PCDHGA6: variants seen among roughly 807,000 people sequenced by gnomAD.
PCDHGA6 encodes the protein protocadherin gamma-A6.
Under a neutral mutation model 60.6 loss-of-function variants are expected in PCDHGA6, and 41 were observed. The ratio of observed to expected loss-of-function variants is 0.68; its 90% confidence interval spans 0.53 to 0.88. PCDHGA6 has a LOEUF of 0.88. Ranked by LOEUF, PCDHGA6 falls within the 40% of genes least tolerant of loss-of-function variation. The pLI is 0.00. For missense variants in PCDHGA6, 1,312 were observed against 1,203.0 expected, an observed-to-expected ratio of 1.09 and a Z score of -1.34; for synonymous variants, 594 against 524.4, an observed-to-expected ratio of 1.13 and a Z score of -1.81.
intron 1 of PCDHGA6, among the ~76,000 whole-genome samples, chr5:141,451,430 T>C (rs1441183396): frequency 2.0e-5 from 3 of 152,240 alleles, no homozygotes; most frequent in Non-Finnish European, 4.4e-5. Context: ...AGACTAAGGG[T>C]TCCAGTTCCT....
rs777925358 is a variant in PCDHGA6 at position 141,477,657 on chromosome 5, G to T, written c.2425-17150G>T. ...GTGGGTCGCTATTTCACAATAAATC[G>T]TGACAATGGCATAGTGTCATCCTTA... On this transcript the variant is annotated intron_variant, in intron 1 of 3. Transcript: ENST00000517434. This position sits in a 1 kb window ranked among gnomAD's most constrained non-coding sequence, Gnocchi z 4.9. 6.8e-6 allele frequency: 11 copies of T among 1,614,072 alleles called. No individual in the cohort carries two copies. Among genetic ancestry groups the T allele is most frequent in the South Asian group, 2.2e-5 (2 of 91,090 alleles).
In PCDHGA6 at chr5:141,409,025, G is replaced by T. The variant is rs202094928; in HGVS notation, c.2424+32518G>T. Reference sequence around the variant, plus strand: ...CACTGACCAGGATGAGGGGGTCAATGCTGAGATAAACTACTACTTCCGAAG... The same window carrying T: ...CACTGACCAGGATGAGGGGGTCAATTCTGAGATAAACTACTACTTCCGAAG... On this transcript the variant is annotated intron_variant, in intron 1 of 3. Coordinates refer to ENST00000517434, the MANE Select transcript of PCDHGA6 (RefSeq NM_018919.3). 2.9e-3 allele frequency: 4,667 copies of T among 1,614,008 alleles called. 11 individuals are homozygous for T. The highest frequency in any genetic ancestry group is 3.6e-3 in the Non-Finnish European group (4,254 of 1,179,906).
chr5:141,481,351 A>G (rs2099536232), intron 1 of PCDHGA6, among the ~76,000 whole-genome samples: 1 of 152,152 alleles, frequency 6.6e-6, no homozygotes, highest in Non-Finnish European at 1.5e-5. Context: ...TTAAACATCT[A>G]CAGCTGTTCA....
Position 141,477,889 on chromosome 5 carries a change from A to T in PCDHGA6, c.2425-16918A>T. 1 of 1,614,152 alleles carries T rather than the reference A, an allele frequency of 6.2e-7. No homozygotes were observed. Among genetic ancestry groups the T allele is most frequent in the Admixed American group, 1.7e-5 (1 of 60,016 alleles). On this transcript the variant is annotated intron_variant, in intron 1 of 3. Coordinates refer to ENST00000517434, the MANE Select transcript of PCDHGA6 (RefSeq NM_018919.3). This position sits in a 1 kb window ranked among gnomAD's most constrained non-coding sequence, Gnocchi z 4.9. The stretch of plus-strand genomic sequence containing the variant: ...GTACCTCAGCTGGCCACCTAGTGTC[A>T]CGGGTGGTAGGCTGGGACGCGGATG...
rs759346998 is a variant in PCDHGA6, at chr5:141,410,849, CTTTTTTTTTT to C, written c.2424+34355_2424+34364del. Reference sequence around the variant, plus strand: ...CAGACTGAAGATATTTTGTCTTTGTCTTTTTTTTTTTTTTTTTTTTTTGAGATGGAGTCTC... The same window carrying C: ...CAGACTGAAGATATTTTGTCTTTGTCTTTTTTTTTTTTGAGATGGAGTCTC... On this transcript the variant is annotated intron_variant, in intron 1 of 3. Coordinates refer to ENST00000517434, the MANE Select transcript of PCDHGA6 (RefSeq NM_018919.3). 8 of 138,182 alleles carry C rather than the reference CTTTTTTTTTT, an allele frequency of 5.8e-5. 2 individuals are homozygous for C. The highest frequency in any genetic ancestry group is 7.3e-5 in the Non-Finnish European group (6 of 82,424). 8.6% of individuals were successfully genotyped at this position (138,182 alleles called of 1,614,324 possible). A position where few individuals can be genotyped will look rare whatever the true frequency, so the allele number is the denominator to read the frequency against.
At position 141,490,460 on chromosome 5, in the gene PCDHGA6, TA is replaced by T. The variant is rs1393913480; in HGVS notation, c.2425-4345del. 1.2e-6 allele frequency: 2 copies of T among 1,614,094 alleles called. No individual in the cohort carries two copies. The highest frequency in any genetic ancestry group is 1.7e-6 in the Non-Finnish European group (2 of 1,180,048). On this transcript the variant is annotated intron_variant, in intron 1 of 3. Coordinates refer to ENST00000517434, the MANE Select transcript of PCDHGA6 (RefSeq NM_018919.3). The surrounding 1 kb of genome is among the most constrained non-coding windows in gnomAD (Gnocchi z 5.4). ...CCTTCTGAGAACCACTACTCGCTGC[TA>T]ACCAGCCAGCCTTTGGACCGGGAGG... is the stretch of plus-strand genomic sequence containing the variant.
At chr5:141,416,870 A>G (rs1315073474) in intron 1 of PCDHGA6, 4 of 152,154 alleles carry the variant, frequency 2.6e-5, no homozygotes, top group Non-Finnish European at 5.9e-5. Flanking sequence ...GTCAGTCAAC[A>G]TTTGTTGAAT....
At chr5:141,395,110 G>A (rs2150602560) in intron 1 of PCDHGA6, 1 of 1,614,214 alleles carries the variant, frequency 6.2e-7, no homozygotes, top group Admixed American at 1.7e-5. Context: ...TCGCGGAAGA[G>A]TCACCTGATC....
At chr5:141,440,954 G>A (rs908507291) in intron 1 of PCDHGA6, 9 of 152,184 alleles carry the variant, frequency 5.9e-5, no homozygotes, top group Non-Finnish European at 1.0e-4. Flanking sequence ...GAGTGTCAAG[G>A]CAGAGATCAC....
intron 1 of PCDHGA6, chr5:141,479,437 C>G (rs2099496053): frequency 6.6e-6 from 1 of 152,224 alleles, no homozygotes; most frequent in Admixed American, 6.5e-5. Flanking sequence ...AATCCACTGT[C>G]TGCACTAAGT....
At chr5:141,449,328 C>G (rs1340432771) in intron 1 of PCDHGA6, among the ~76,000 whole-genome samples, 1 of 151,866 alleles carries the variant, frequency 6.6e-6, no homozygotes, top group African/African-American at 2.4e-5. Flanking sequence ...ATCTGTAGGC[C>G]AGGTGCAGTG....
rs755930967 is a variant in PCDHGA6, at chr5:141,388,629, G to C, written c.2424+12122G>C. On this transcript the variant is annotated intron_variant, in intron 1 of 3. Transcript: ENST00000517434. ...AGTGTTCAGTCAAGACGTATACAGG[G>C]TGAGCCTTTCAGAAAACGTGTACCC... 13 of 1,613,824 alleles carry C rather than the reference G, an allele frequency of 8.1e-6. No individual in the cohort carries two copies. Among genetic ancestry groups the C allele is most frequent in the African/African-American group, 1.3e-5 (1 of 74,914 alleles).
chr5:141,444,194 G>A (rs1209269773), intron 1 of PCDHGA6, among the ~76,000 whole-genome samples: 1 of 67,352 alleles, frequency 1.5e-5, no homozygotes, highest in Non-Finnish European at 2.7e-5. Flanking sequence ...TTTTTGAGAT[G>A]GAGTTTCACT....
rs759945612 is a variant in PCDHGA6 at position 141,409,754 on chromosome 5, C to T, written c.2424+33247C>T. ...GCAGAGCGGGGTGGTGTTCGCGCAG[C>T]GCGCCTTTGATCACGAGCAGCTGCG... On this transcript the variant is annotated intron_variant, in intron 1 of 3. Coordinates refer to ENST00000517434, the MANE Select transcript of PCDHGA6 (RefSeq NM_018919.3). 3 of 1,612,880 alleles carry T rather than the reference C, an allele frequency of 1.9e-6. No individual in the cohort carries two copies. In the Admixed American group the frequency reaches 5.0e-5, roughly 27 times the overall value.
intron 1 of PCDHGA6, among the ~76,000 whole-genome samples, chr5:141,465,040 C>T (rs1396261200): frequency 6.6e-6 from 1 of 151,842 alleles, no homozygotes; most frequent in Non-Finnish European, 1.5e-5. Context: ...CCACAAATGA[C>T]CCTATATATT....
In PCDHGA6 at chr5:141,375,575, G is replaced by A. The variant is rs1209081341; in HGVS notation, c.1492G>A (p.Gly498Arg). 1 of 1,613,960 alleles carries A rather than the reference G, an allele frequency of 6.2e-7. No individual in the cohort carries two copies. The highest frequency in any genetic ancestry group is 2.2e-5 in the East Asian group (1 of 44,876). The change falls in exon 1 of 4, where the codon GGG becomes AGG. Residue 498 changes from glycine to arginine, a missense_variant. By Grantham distance (125) the Gly-to-Arg change is moderately radical. Transcript: ENST00000517434. ...SYSLAEDTLQ[G>R]APLSSYVSIN... ...CTCACTGGCAGAAGACACCCTCCAG[G>A]GGGCGCCCCTGTCCTCCTACGTGTC...
intron 1 of PCDHGA6, among the ~76,000 whole-genome samples, chr5:141,396,827 T>G (rs1339802094): frequency 6.6e-6 from 1 of 152,218 alleles, no homozygotes; most frequent in East Asian, 1.9e-4. Flanking sequence ...TGGTGCATAT[T>G]CAGTGGAGTG....
chr5:141,438,635 T>C (rs1325567714), intron 1 of PCDHGA6, among the ~76,000 whole-genome samples: 9 of 33,420 alleles, frequency 2.7e-4, no homozygotes, highest in East Asian at 1.8e-3. Flanking sequence ...TATATATATA[T>C]ACACACACAC....
chr5:141,481,694 C>A (rs2099542163), intron 1 of PCDHGA6, among the ~76,000 whole-genome samples: 1 of 152,130 alleles, frequency 6.6e-6, no homozygotes, highest in South Asian at 2.1e-4. Flanking sequence ...TGGCTCACGC[C>A]TGTAATCCCA....
Sources: allele counts gnomAD v4.1 joint callset (sites outside exome capture counted in the v4.1 genomes callset), GRCh38; gene constraint gnomAD v4.1.1; non-coding constraint Gnocchi (gnomAD v3.1); transcripts MANE v1.5; gene names NCBI Gene and HGNC (gene_info 2026-07-23, HGNC 2026-07-21).